CNTNAP4: variants seen among roughly 807,000 people sequenced by gnomAD.
CNTNAP4 encodes the protein contactin associated protein family member 4, also known as contactin-associated protein-like 4.
A neutral mutation model predicts 148.4 loss-of-function variants in CNTNAP4; 98 were observed. That is an observed-to-expected ratio of 0.66 (90% CI 0.56 to 0.78). The LOEUF (loss-of-function observed/expected upper bound fraction) is 0.78. Ranked by LOEUF, CNTNAP4 falls within the 30% of genes least tolerant of loss-of-function variation. The probability of loss-of-function intolerance (pLI) is 0.00; values close to 1 mark genes in which losing one functional copy is unlikely to be tolerated. For missense variants in CNTNAP4, 1,935 were observed against 1,565.6 expected, an observed-to-expected ratio of 1.24 and a Z score of -3.98; for synonymous variants, 730 against 565.1, an observed-to-expected ratio of 1.29 and a Z score of -4.14.
intron 22 of CNTNAP4, 138 bp from the exon 23 acceptor site, chr16:76,553,698 A>G (rs969148583): frequency 4.6e-6 from 3 of 652,362 alleles, no homozygotes; most frequent in Non-Finnish European, 5.3e-6. Context: ...TGCCATTGAC[A>G]TTGCTTAAAT....
chr16:76,325,453 G>C (rs1052529245), intron 2 of CNTNAP4, among the ~76,000 whole-genome samples: 1 of 152,062 alleles, frequency 6.6e-6, no homozygotes, highest in Non-Finnish European at 1.5e-5. Flanking sequence ...ATCATACAGA[G>C]TAAGTGCCCT....
intron 2 of CNTNAP4, among the ~76,000 whole-genome samples, chr16:76,317,173 C>G (rs991978473): frequency 6.8e-6 from 1 of 147,800 alleles, no homozygotes; most frequent in Non-Finnish European, 1.5e-5. Context: ...AGGAGTATCA[C>G]TGAACTCAGA....
chr16:76,495,167 A>G, intron 14 of CNTNAP4, 101 bp downstream of exon 14: 1 of 1,223,612 alleles, frequency 8.2e-7, no homozygotes, highest in Non-Finnish European at 1.2e-6. Context: ...AGTTAGTGCA[A>G]TGAAGTAATT....
intron 15 of CNTNAP4, among the ~76,000 whole-genome samples, chr16:76,520,933 A>C (rs1480887913): frequency 6.6e-6 from 1 of 152,170 alleles, no homozygotes; most frequent in African/African-American, 2.4e-5. Flanking sequence ...ATTGGAAAAA[A>C]TCCAGGATTT....
At chr16:76,474,169 G>A (rs893705256) in intron 10 of CNTNAP4, among the ~76,000 whole-genome samples, 2 of 152,192 alleles carry the variant, frequency 1.3e-5, no homozygotes, top group African/African-American at 4.8e-5. Context: ...GGTGCTTAAA[G>A]AAGTTAGGCT....
intron 1 of CNTNAP4, among the ~76,000 whole-genome samples, chr16:76,306,086 A>G (rs1960450965): frequency 6.6e-6 from 1 of 152,106 alleles, no homozygotes; most frequent in Non-Finnish European, 1.5e-5. Context: ...TTGATTCCAC[A>G]TCTTTGCTAT....
chr16:76,355,333 C>G lies in CNTNAP4; in HGVS notation c.212C>G (p.Ser71Cys). 1 of 1,563,530 alleles carries G rather than the reference C, an allele frequency of 6.4e-7. No individual in the cohort carries two copies. The highest frequency in any genetic ancestry group is 2.4e-5 in the East Asian group (1 of 42,552). The change falls in exon 3 of 24, where the codon TCT (serine) becomes TGT (cysteine). Residue 71 changes from serine to cysteine, a missense_variant. Transcript: ENST00000611870. ...LNRRDGAGGW[S>C]PLVSNKYQWL... ...TTAATAAAAGGAGCTGGTGGCTGGTCTCCACTTGTGTCTAACAAATACCAG... is the reference window on the plus strand; with the variant it reads ...TTAATAAAAGGAGCTGGTGGCTGGTGTCCACTTGTGTCTAACAAATACCAG...
At chr16:76,300,335 G>A (rs964725129) in intron 1 of CNTNAP4, among the ~76,000 whole-genome samples, 3 of 152,006 alleles carry the variant, frequency 2.0e-5, no homozygotes, top group Non-Finnish European at 4.4e-5. Context: ...GCTAGTTCAA[G>A]CAATAAAATG....
At chr16:76,383,620 T>C (rs9930599) in intron 3 of CNTNAP4, among the ~76,000 whole-genome samples, 22,140 of 152,128 alleles carry the variant, frequency 0.15, 2,001 homozygotes, top group East Asian at 0.45. Flanking sequence ...TATGCACATA[T>C]ACTTTTAAGA....
intron 21 of CNTNAP4, among the ~76,000 whole-genome samples, chr16:76,550,113 G>A (rs2084901044): frequency 6.6e-6 from 1 of 151,406 alleles, no homozygotes; most frequent in African/African-American, 2.4e-5. Context: ...TAAGGGAATA[G>A]GGCTGCAAAA....
intron 3 of CNTNAP4, among the ~76,000 whole-genome samples, chr16:76,363,895 A>G (rs2013758740): frequency 6.6e-6 from 1 of 152,096 alleles, no homozygotes; most frequent in South Asian, 2.1e-4. Flanking sequence ...TGTTACATCA[A>G]TCCCTTCTCA....
chr16:76,389,746 G>A (rs550883088), intron 3 of CNTNAP4, among the ~76,000 whole-genome samples: 11 of 152,180 alleles, frequency 7.2e-5, no homozygotes, highest in African/African-American at 2.6e-4. Flanking sequence ...GATTACGGGC[G>A]TGAGCCACCA....
intron 3 of CNTNAP4, among the ~76,000 whole-genome samples, chr16:76,377,150 C>CTT (rs1011549952): frequency 6.6e-6 from 1 of 151,904 alleles, no homozygotes; most frequent in African/African-American, 2.4e-5. Context: ...GGAAGTCAGT[C>CTT]TTTTTTTTCA....
intron 12 of CNTNAP4, among the ~76,000 whole-genome samples, chr16:76,480,258 T>A (rs978164777): frequency 6.6e-6 from 1 of 152,194 alleles, no homozygotes; most frequent in Non-Finnish European, 1.5e-5. Flanking sequence ...ATTAGGATTG[T>A]CATTGAACAA....
At chr16:76,465,824 T>G (rs984764025) in intron 9 of CNTNAP4, among the ~76,000 whole-genome samples, 2 of 152,200 alleles carry the variant, frequency 1.3e-5, no homozygotes, top group Non-Finnish European at 2.9e-5. Flanking sequence ...AACTTCAAAG[T>G]CTCCATTAGG....
intron 1 of CNTNAP4, among the ~76,000 whole-genome samples, chr16:76,290,732 C>T (rs144018572): frequency 2.9e-4 from 44 of 152,270 alleles, no homozygotes; most frequent in African/African-American, 9.4e-4. Flanking sequence ...CACTCCTTCC[C>T]GATGTTCAGA....
intron 15 of CNTNAP4, among the ~76,000 whole-genome samples, chr16:76,517,062 A>G (rs1277818297): frequency 2.6e-5 from 4 of 152,186 alleles, no homozygotes; most frequent in Admixed American, 2.6e-4. Context: ...ATCTGTCAAA[A>G]ACAAAAATGA....
intron 3 of CNTNAP4, among the ~76,000 whole-genome samples, chr16:76,409,982 T>G (rs1768318681): frequency 6.6e-6 from 1 of 151,910 alleles, no homozygotes; most frequent in South Asian, 2.1e-4. Flanking sequence ...GATATCAGAC[T>G]TTGGAAGTAA....
intron 17 of CNTNAP4, among the ~76,000 whole-genome samples, chr16:76,528,453 A>T (rs1354219210): frequency 1.3e-5 from 2 of 152,008 alleles, no homozygotes; most frequent in Non-Finnish European, 2.9e-5. Context: ...TTTTGTAGAG[A>T]CGCAGTCTCC....
Sources: allele counts gnomAD v4.1 joint callset (sites outside exome capture counted in the v4.1 genomes callset), GRCh38; gene constraint gnomAD v4.1.1; transcripts MANE v1.5; gene names NCBI Gene and HGNC (gene_info 2026-07-23, HGNC 2026-07-21).